FRY: variants seen among roughly 807,000 people sequenced by gnomAD.
FRY encodes the protein FRY microtubule binding protein, also known as protein furry homolog.
Under a neutral mutation model 348.4 loss-of-function variants are expected in FRY, and 128 were observed. The observed-to-expected ratio is 0.37, with a 90% CI of 0.32 to 0.43. The LOEUF (loss-of-function observed/expected upper bound fraction) is 0.43, where lower values mean the gene tolerates loss of function less well. Ranked by LOEUF, FRY falls within the 20% of genes least tolerant of loss-of-function variation. The pLI is 1.00. For synonymous variants in FRY, 1,370 were observed against 1,374.7 expected (o/e 1.00, Z 0.08); for missense variants, 2,736 against 3,695.2 (o/e 0.74, Z 6.73).
Position 32,094,131 on chromosome 13 carries a change from T to A in FRY, c.271-7832T>A, listed in dbSNP as rs369803343. Among the ~76,000 whole-genome samples, 30 of 152,264 alleles carry A rather than the reference T, an allele frequency of 2.0e-4. No individual in the cohort carries two copies. The East Asian group carries it at 5.8e-3, about 29-fold the overall frequency. On this transcript the variant is annotated intron_variant, in intron 2 of 60. Transcript: ENST00000542859. ...AAACCAGGATATCTGAATGTGTAGA[T>A]CTTGGATTTCATGCAACTGGTGTGC...
chr13:32,034,890 G>A (rs993336265), intron 1 of FRY, among the ~76,000 whole-genome samples: 2 of 152,176 alleles, frequency 1.3e-5, no homozygotes, highest in African/African-American at 4.8e-5. Flanking sequence ...CTCCTAATAA[G>A]GCCTCGCTTA....
chr13:32,270,160 G>A (rs1429012456), intron 55 of FRY, among the ~76,000 whole-genome samples: 1 of 151,210 alleles, frequency 6.6e-6, no homozygotes, highest in Non-Finnish European at 1.5e-5. Flanking sequence ...TAAATTTAAT[G>A]TTAAGGATTG....
chr13:32,063,640 CT>C (rs1237991178), intron 1 of FRY, among the ~76,000 whole-genome samples: 1 of 152,192 alleles, frequency 6.6e-6, no homozygotes, highest in Non-Finnish European at 1.5e-5. Context: ...CAAAATCAGG[CT>C]GGTCGGCACC....
chr13:32,042,880 G>A (rs1356226809), intron 1 of FRY, among the ~76,000 whole-genome samples: 1 of 152,120 alleles, frequency 6.6e-6, no homozygotes, highest in East Asian at 1.9e-4. Flanking sequence ...GTGAGACAAG[G>A]GACTTATACC....
At chr13:32,293,097 A>C (rs1290428396) in intron 59 of FRY, among the ~76,000 whole-genome samples, 2 of 152,208 alleles carry the variant, frequency 1.3e-5, no homozygotes, top group Non-Finnish European at 2.9e-5. Flanking sequence ...AAATCAAAAA[A>C]TTGACATGAC....
At chr13:32,093,591 T>C (rs539018899) in intron 2 of FRY, among the ~76,000 whole-genome samples, 1 of 152,370 alleles carries the variant, frequency 6.6e-6, no homozygotes, top group African/African-American at 2.4e-5. Flanking sequence ...GTTGTTTGTT[T>C]AGTCAAGACT....
At position 32,126,501 on chromosome 13, in the gene FRY, G is replaced by A. The variant is rs187707065; in HGVS notation, c.716+1626G>A. Among the ~76,000 whole-genome samples the A allele has an allele frequency of 7.9e-5, 12 of 152,150 alleles. No individual in the cohort carries two copies. In the East Asian group the frequency reaches 2.3e-3, roughly 29 times the overall value. The stretch of plus-strand genomic sequence containing the variant: ...GCCAATGGTGGCTTTTTTTATTTTC[G>A]TGATGTCAGTATTTGTCCCTATTCT... On this transcript the variant is annotated intron_variant, in intron 7 of 60. Coordinates refer to ENST00000542859, the MANE Select transcript of FRY (RefSeq NM_023037.3).
In FRY at chr13:32,284,167, A is replaced by C. The variant is rs140179839; in HGVS notation, c.8470-5466A>C. On this transcript the variant is annotated intron_variant, in intron 58 of 60. Coordinates refer to ENST00000542859, the MANE Select transcript of FRY (RefSeq NM_023037.3). ...ATTCATAATTCAACAGATATTTCTG[A>C]GCACTACTTGAACATTTGACTCTTT... Among the ~76,000 whole-genome samples the C allele has an allele frequency of 2.7e-3, 412 of 152,334 alleles. 2 individuals carry two copies. The highest frequency in any genetic ancestry group is 9.5e-3 in the African/African-American group (394 of 41,574).
At chr13:32,196,844 GCTTA>G (rs1306325351) in intron 29 of FRY, among the ~76,000 whole-genome samples, 1 of 152,080 alleles carries the variant, frequency 6.6e-6, no homozygotes, top group East Asian at 1.9e-4. Context: ...ACAAAAAATT[GCTTA>G]CTTGTTAGGC....
chr13:32,107,947 C>G (rs985220591), intron 3 of FRY, among the ~76,000 whole-genome samples: 1 of 152,180 alleles, frequency 6.6e-6, no homozygotes, highest in Admixed American at 6.5e-5. Context: ...ACTATAGTAA[C>G]TGTCAGGGCT....
intron 1 of FRY, among the ~76,000 whole-genome samples, chr13:32,055,735 T>C (rs1294033181): frequency 3.9e-5 from 6 of 152,196 alleles, no homozygotes; most frequent in Non-Finnish European, 5.9e-5. Context: ...ATTACACATA[T>C]AGAACTGGGG....
intron 48 of FRY, among the ~76,000 whole-genome samples, chr13:32,248,697 A>G (rs185958763): frequency 7.0e-4 from 107 of 152,316 alleles, no homozygotes; most frequent in Non-Finnish European, 1.3e-3. Flanking sequence ...CTGCATCTAT[A>G]TTTAATATGT....
intron 7 of FRY, among the ~76,000 whole-genome samples, chr13:32,127,563 G>T (rs1030528007): frequency 1.3e-5 from 2 of 152,110 alleles, no homozygotes; most frequent in Non-Finnish European, 2.9e-5. Flanking sequence ...GGATCACAAG[G>T]CCAGGAGATC....
At chr13:32,292,702 G>A (rs1176759450) in intron 59 of FRY, among the ~76,000 whole-genome samples, 1 of 151,902 alleles carries the variant, frequency 6.6e-6, no homozygotes, top group African/African-American at 2.4e-5. Flanking sequence ...TGAGGTAAGG[G>A]AATCACTTGA....
chr13:32,050,732 C>G (rs1873276876), intron 1 of FRY, among the ~76,000 whole-genome samples: 6 of 152,156 alleles, frequency 3.9e-5, no homozygotes, highest in Admixed American at 3.9e-4. Context: ...ATGACACTGA[C>G]TACTTCAGAA....
chr13:32,244,030 T>C lies in FRY; in HGVS notation c.6688-12T>C, dbSNP rs1488906900. 1 of 1,613,618 alleles carries C rather than the reference T, an allele frequency of 6.2e-7. No individual in the cohort carries two copies. On this transcript the variant is annotated splice_polypyrimidine_tract_variant and intron_variant, in intron 46 of 60. Coordinates refer to ENST00000542859, the MANE Select transcript of FRY (RefSeq NM_023037.3). ...GTGTGTGACTGACTCCAGCCGCACTTTGCCCCCACAGCTGCTGGAGAAGGG... is the reference window on the plus strand; with the variant it reads ...GTGTGTGACTGACTCCAGCCGCACTCTGCCCCCACAGCTGCTGGAGAAGGG...
chr13:32,051,500 C>A (rs1234540840), intron 1 of FRY, among the ~76,000 whole-genome samples: 1 of 152,170 alleles, frequency 6.6e-6, no homozygotes, highest in East Asian at 1.9e-4. Context: ...CCGAATTACT[C>A]CTGAGTTTTC....
intron 28 of FRY, among the ~76,000 whole-genome samples, chr13:32,192,400 C>A: frequency 6.6e-6 from 1 of 152,104 alleles, no homozygotes; most frequent in East Asian, 1.9e-4. Context: ...GCAACCTCCA[C>A]CTCCCGGGTT....
chr13:32,247,692 C>T (rs1321556806), intron 48 of FRY, among the ~76,000 whole-genome samples, 190 bp downstream of exon 48: 1 of 152,162 alleles, frequency 6.6e-6, no homozygotes, highest in Admixed American at 6.5e-5. Context: ...TCTCAGTTGG[C>T]AGCTTTTAAA....
Sources: gnomAD v4.1 joint callset for allele counts (sites outside exome capture counted in the v4.1 genomes callset) on GRCh38, gnomAD v4.1.1 for gene constraint, MANE v1.5 for transcripts, NCBI Gene and HGNC (gene_info 2026-07-23, HGNC 2026-07-21) for gene names.